Variants in ZNF626 observed in about 807,000 individuals in gnomAD.
The protein encoded by ZNF626 is zinc finger protein 626.
Under a neutral mutation model 11.7 loss-of-function variants are expected in ZNF626, and 4 were observed. That is an observed-to-expected ratio of 0.34 (90% CI 0.17 to 0.78). The LOEUF is 0.78. ZNF626 is among the 30% of genes least tolerant of loss of function. The pLI is 0.57. For missense variants in ZNF626, 588 were observed against 587.1 expected (o/e 1.00, Z -0.01); for synonymous variants, 179 against 198.6 (o/e 0.90, Z 0.83).
In ZNF626 at chr19:20,625,346, T is replaced by A; in HGVS notation, c.531A>T (p.Glu177Asp). ...AGAACTGCTTAAAAGCTTTGCCACA[T>A]TCTATATATTTGAAAGGTTTTTTCC... is the stretch of plus-strand genomic sequence containing the variant. Reference protein sequence around the residue: ...HTGKKPFKYIECGKAFKQFST... With the variant: ...HTGKKPFKYIDCGKAFKQFST... Residue 177 changes from glutamate (E) to aspartate (D), a missense_variant, in exon 4 of 4, where the codon GAA (glutamate) becomes GAT (aspartate). Glu to Asp is a conservative substitution (Grantham distance 45). Transcript: ENST00000601440. The A allele has an allele frequency of 6.2e-7, 1 of 1,614,064 alleles. No homozygotes were observed. Among genetic ancestry groups the A allele is most frequent in the Non-Finnish European group, 8.5e-7 (1 of 1,179,994 alleles).
rs570524490 is a variant in ZNF626 at position 20,626,421 on chromosome 19, C to T, written c.227-771G>A. On this transcript the variant is annotated intron_variant, in intron 3 of 3. Transcript: ENST00000601440. The stretch of plus-strand genomic sequence containing the variant: ...TGTATATGAGGTAATTTAAAAAATT[C>T]CCAATAAGTTGTACAGGTCAAGCTT... Among the ~76,000 whole-genome samples the T allele has an allele frequency of 3.0e-4, 46 of 152,200 alleles. No homozygotes were observed. The South Asian group carries it at 9.3e-3, about 31-fold the overall frequency.
intron 3 of ZNF626, among the ~76,000 whole-genome samples, chr19:20,626,023 G>A (rs1218618624): frequency 1.3e-5 from 2 of 152,168 alleles, no homozygotes; most frequent in Non-Finnish European, 2.9e-5. Context: ...AGCATGTTGG[G>A]AGGCTGACGT....
intron 3 of ZNF626, 171 bp downstream of exon 3, chr19:20,645,512 GC>G: frequency 6.4e-7 from 1 of 1,569,596 alleles, no homozygotes; most frequent in Non-Finnish European, 8.6e-7. Flanking sequence ...CCCTTTGTAA[GC>G]AAAATTAAAA....
chr19:20,661,431 C>A lies in ZNF626; in HGVS notation c.3+13G>T. 5 of 1,613,882 alleles carry A rather than the reference C, an allele frequency of 3.1e-6. No homozygotes were observed. Among genetic ancestry groups the A allele is most frequent in the Non-Finnish European group, 4.2e-6 (5 of 1,179,840 alleles). ...CCCTCTCCTCTCTCGGGATGTCGGACCCTCACTCTCACCATTTTTGGCTTC... is the reference window on the plus strand; with the variant it reads ...CCCTCTCCTCTCTCGGGATGTCGGAACCTCACTCTCACCATTTTTGGCTTC... On this transcript the variant is annotated intron_variant, in intron 1 of 3. Coordinates refer to ENST00000601440, the MANE Select transcript of ZNF626 (RefSeq NM_001076675.3).
intron 2 of ZNF626, 136 bp downstream of exon 2, chr19:20,646,143 G>A (rs1307828083): frequency 4.4e-6 from 5 of 1,130,404 alleles, no homozygotes; most frequent in African/African-American, 3.2e-5. Flanking sequence ...TTTTCTAAAC[G>A]AACAAATTCT....
At chr19:20,642,930 G>C (rs1237689727) in intron 3 of ZNF626, among the ~76,000 whole-genome samples, 1 of 151,160 alleles carries the variant, frequency 6.6e-6, no homozygotes, top group East Asian at 2.0e-4. Context: ...AGAACTGCTT[G>C]AACCCGGAAG....
chr19:20,636,011 A>G (rs1969961731), intron 3 of ZNF626, among the ~76,000 whole-genome samples: 2 of 152,184 alleles, frequency 1.3e-5, no homozygotes, highest in Admixed American at 1.3e-4. Context: ...ACATTCCTGT[A>G]ATCCCAGCTA....
At chr19:20,634,189 A>AT (rs767968683) in intron 3 of ZNF626, among the ~76,000 whole-genome samples, 265 of 152,322 alleles carry the variant, frequency 1.7e-3, no homozygotes, top group Middle Eastern at 3.4e-3. Context: ...AACTGAATAA[A>AT]CACAAAGAGA....
In ZNF626 at chr19:20,620,201, G is replaced by A. The variant is rs536365409; in HGVS notation, c.*4089C>T. ...CAAAGTTGCCTGTGCTTTAATACAC[G>A]GATTCTGGGGAGAATCCGAGCCATA... On this transcript the variant is annotated 3_prime_UTR_variant, in exon 4 of 4. Transcript: ENST00000601440. The A allele has an allele frequency of 3.9e-4, 60 of 152,076 alleles. No individual in the cohort carries two copies. The highest frequency in any genetic ancestry group is 5.7e-4 in the Non-Finnish European group (39 of 67,992). The allele number at this position is 152,076 out of a possible 1,614,324, so 9.4% of individuals were successfully genotyped here. A position where few individuals can be genotyped will look rare whatever the true frequency, so the allele number is the denominator to read the frequency against.
rs376630984 is a variant in ZNF626, at chr19:20,625,656, A to G, written c.227-6T>C. Reference sequence around the variant, plus strand: ...GGCAAAATGAGAACACATTACTGAAAGAAACAATAAAAACACATTACTTCA... The same window carrying G: ...GGCAAAATGAGAACACATTACTGAAGGAAACAATAAAAACACATTACTTCA... On this transcript the variant is annotated splice_region_variant and splice_polypyrimidine_tract_variant and intron_variant, in intron 3 of 3. Transcript: ENST00000601440. 44 of 1,523,614 alleles carry G rather than the reference A, an allele frequency of 2.9e-5. No individual in the cohort carries two copies. Among genetic ancestry groups the G allele is most frequent in the Non-Finnish European group, 3.8e-5 (43 of 1,141,186 alleles). The allele number at this position is 1,523,614 out of a possible 1,614,324, so 94.4% of individuals were successfully genotyped here.
intron 1 of ZNF626, among the ~76,000 whole-genome samples, chr19:20,648,132 T>C (rs1970103514): frequency 6.8e-6 from 1 of 147,060 alleles, no homozygotes; most frequent in African/African-American, 2.6e-5. Context: ...GCCGAGATCA[T>C]GCCACTGTGC....
At chr19:20,637,758 A>T (rs1325448596) in intron 3 of ZNF626, among the ~76,000 whole-genome samples, 3 of 152,126 alleles carry the variant, frequency 2.0e-5, no homozygotes, top group Non-Finnish European at 4.4e-5. Flanking sequence ...TAAAACAGGA[A>T]ATGAGAAAAA....
chr19:20,632,630 C>G (rs2144771129), intron 3 of ZNF626, among the ~76,000 whole-genome samples: 1 of 152,316 alleles, frequency 6.6e-6, no homozygotes, highest in Non-Finnish European at 1.5e-5. Context: ...CCTTGGTTTT[C>G]AGCTCCATCA....
intron 1 of ZNF626, among the ~76,000 whole-genome samples, chr19:20,660,702 T>G (rs1322471767): frequency 6.6e-6 from 1 of 152,056 alleles, no homozygotes; most frequent in Non-Finnish European, 1.5e-5. Flanking sequence ...ATTACAGGCT[T>G]GAGCCACCGC....
chr19:20,623,287 T>C lies in ZNF626; in HGVS notation c.*1003A>G, dbSNP rs1969778159. 1 of 152,238 alleles carries C rather than the reference T, an allele frequency of 6.6e-6. No homozygotes were observed. Among genetic ancestry groups the C allele is most frequent in the Admixed American group, 6.5e-5 (1 of 15,276 alleles). 9.4% of individuals were successfully genotyped at this position (152,238 alleles called of 1,614,324 possible). A position where few individuals can be genotyped will look rare whatever the true frequency, so the allele number is the denominator to read the frequency against. ...CACATTGATTAAAGGTTTTGCCACA[T>C]TCTTCATGCTTGTAGGAATTTTGCC... On this transcript the variant is annotated 3_prime_UTR_variant, in exon 4 of 4. Transcript: ENST00000601440.
rs1555768785 is a variant in ZNF626, at chr19:20,621,987, G to C, written c.*2303C>G. On this transcript the variant is annotated 3_prime_UTR_variant, in exon 4 of 4. Transcript: ENST00000601440. ...GGATCGCTTGAGCTCAGGAGTTTGA[G>C]ACTAGCCTGACCAATATGGGGAAAC... 1 of 152,216 alleles carries C rather than the reference G, an allele frequency of 6.6e-6. No individual in the cohort carries two copies. Among genetic ancestry groups the C allele is most frequent in the African/African-American group, 2.4e-5 (1 of 41,450 alleles). 9.4% of individuals were successfully genotyped at this position (152,216 alleles called of 1,614,324 possible).
At chr19:20,626,736 TG>T (rs782725195) in intron 3 of ZNF626, among the ~76,000 whole-genome samples, 16 of 151,940 alleles carry the variant, frequency 1.1e-4, no homozygotes, top group African/African-American at 3.9e-4. Flanking sequence ...TAAAATAGGC[TG>T]GGCGCAATGG....
intron 3 of ZNF626, among the ~76,000 whole-genome samples, chr19:20,629,435 G>GT (rs1239314449): frequency 1.3e-5 from 2 of 151,582 alleles, no homozygotes; most frequent in African/African-American, 2.4e-5. Context: ...TCTTCCATTT[G>GT]TTTGTATCCT....
intron 3 of ZNF626, among the ~76,000 whole-genome samples, chr19:20,637,383 G>A (rs1308937820): frequency 6.6e-6 from 1 of 151,520 alleles, no homozygotes; most frequent in Non-Finnish European, 1.5e-5. Context: ...TACACGGGAG[G>A]CTGAGGCAGG....
Sources: allele counts gnomAD v4.1 joint callset (sites outside exome capture counted in the v4.1 genomes callset), GRCh38; gene constraint gnomAD v4.1.1; transcripts MANE v1.5; gene names NCBI Gene and HGNC (gene_info 2026-07-23, HGNC 2026-07-21).